The following FANCD2 variants were observed in gnomAD, a reference collection of about 807,000 sequenced individuals.
The protein encoded by FANCD2 is FA complementation group D2, also known as Fanconi anemia group D2 protein.
Under a neutral mutation model 192.3 loss-of-function variants are expected in FANCD2, and 131 were observed. The observed-to-expected ratio is 0.68, with a 90% CI of 0.59 to 0.79. The LOEUF (loss-of-function observed/expected upper bound fraction) is 0.79, where lower values mean the gene tolerates loss of function less well. Ranked by LOEUF, FANCD2 falls within the 30% of genes least tolerant of loss-of-function variation. FANCD2 has a pLI of 0.00. For missense variants in FANCD2, 1,508 were observed against 1,701.6 expected (o/e 0.89, Z 2.00); for synonymous variants, 524 against 612.5 (o/e 0.86, Z 2.13).
At chr3:10,072,338 G>A (rs762714221) in intron 26 of FANCD2, among the ~76,000 whole-genome samples, 1 of 150,078 alleles carries the variant, frequency 6.7e-6, no homozygotes, top group Non-Finnish European at 1.5e-5. Flanking sequence ...GAGTGTGGTG[G>A]TGCGATCTCT....
intron 6 of FANCD2, 30 bp downstream of exon 6, chr3:10,035,263 T>C (rs1205021073): frequency 6.3e-7 from 1 of 1,590,672 alleles, no homozygotes; most frequent in Non-Finnish European, 8.6e-7. Flanking sequence ...TGTGAACATT[T>C]GATGGAAGAG....
chr3:10,036,168 T>A, intron 6 of FANCD2, 119 bp from the exon 7 acceptor site: 2 of 652,476 alleles, frequency 3.1e-6, no homozygotes, highest in Non-Finnish European at 5.5e-6. Flanking sequence ...CTCACTGCAA[T>A]CTCTGCCTTC....
intron 42 of FANCD2, among the ~76,000 whole-genome samples, chr3:10,098,391 C>G (rs1695104354): frequency 6.6e-6 from 1 of 152,088 alleles, no homozygotes. Flanking sequence ...GCTTAGATAC[C>G]TTAAGGTATT....
At chr3:10,069,678 G>A (rs1226120383) in intron 26 of FANCD2, among the ~76,000 whole-genome samples, 13 of 152,198 alleles carry the variant, frequency 8.5e-5, no homozygotes, top group South Asian at 2.1e-4. Context: ...TGGCCGGGCC[G>A]GTCTCCAGCT....
At chr3:10,093,477 C>T (rs1694771997) in intron 39 of FANCD2, among the ~76,000 whole-genome samples, 154 bp downstream of exon 39, 1 of 152,208 alleles carries the variant, frequency 6.6e-6, no homozygotes, top group South Asian at 2.1e-4. Flanking sequence ...TGCATTTTCC[C>T]ACCCTAGTTG....
intron 26 of FANCD2, among the ~76,000 whole-genome samples, chr3:10,068,697 G>A (rs1429807414): frequency 6.6e-6 from 1 of 150,424 alleles, no homozygotes; most frequent in Admixed American, 6.6e-5. Flanking sequence ...AAGCTGTCCT[G>A]AGTAAAATGA....
intron 41 of FANCD2, 120 bp from the exon 42 acceptor site, chr3:10,096,206 A>T: frequency 1.0e-6 from 1 of 980,338 alleles, no homozygotes; most frequent in Non-Finnish European, 1.6e-6. Flanking sequence ...TTGATGGAAC[A>T]TACCGTTGGC....
At chr3:10,067,400 C>A in intron 26 of FANCD2, 83 bp downstream of exon 26, 2 of 783,536 alleles carry the variant, frequency 2.6e-6, no homozygotes, top group Non-Finnish European at 4.5e-6. Flanking sequence ...ATACCAAAAC[C>A]AGACAAAGAC....
Position 10,096,280 on chromosome 3 carries a change from A to G in FANCD2, c.4039-46A>G, listed in dbSNP as rs1445562696. ...AGGTTTCTATAAGAAATGTGAAGGC[A>G]TGATGATAAACTCACAAAAGATGGA... is the stretch of plus-strand genomic sequence containing the variant. On this transcript the variant is annotated intron_variant, in intron 41 of 43. Coordinates refer to ENST00000675286, the MANE Select transcript of FANCD2 (RefSeq NM_001018115.3). 4 of 1,602,974 alleles carry G rather than the reference A, an allele frequency of 2.5e-6. No individual in the cohort carries two copies. In the South Asian group the frequency reaches 3.3e-5, roughly 13 times the overall value.
chr3:10,043,099 C>T lies in FANCD2; in HGVS notation c.938C>T (p.Pro313Leu). The change falls in exon 12 of 44, where the codon CCA becomes CTA. Residue 313 changes from proline (P) to leucine (L), a missense_variant. Coordinates refer to ENST00000675286, the MANE Select transcript of FANCD2 (RefSeq NM_001018115.3). ...EKLDLQHCVL[P>L]SRLQASQVKL... ...TTGGATCTGCAGCATTGTGTTTTGC[C>T]ATCACGGTTACAGGCTTCCCAAGTA... 6.2e-7 allele frequency: 1 copy of T among 1,614,064 alleles called. No individual in the cohort carries two copies. Among genetic ancestry groups the T allele is most frequent in the Non-Finnish European group, 8.5e-7 (1 of 1,180,000 alleles).
At position 10,072,254 on chromosome 3, in the gene FANCD2, C is replaced by T. The variant is rs569698304; in HGVS notation, c.2495-617C>T. ...TACCTGTATCAAAATATCTCATGTGCGCCATAAATATATATATACCTTTCC... is the reference window on the plus strand; with the variant it reads ...TACCTGTATCAAAATATCTCATGTGTGCCATAAATATATATATACCTTTCC... On this transcript the variant is annotated intron_variant, in intron 26 of 43. Coordinates refer to ENST00000675286, the MANE Select transcript of FANCD2 (RefSeq NM_001018115.3). Among the ~76,000 whole-genome samples the T allele has an allele frequency of 8.7e-4, 132 of 151,144 alleles. 1 individual carries two copies. The highest frequency in any genetic ancestry group is 3.8e-3 in the South Asian group (18 of 4,776).
At chr3:10,090,440 CT>C in intron 37 of FANCD2, 55 bp downstream of exon 37, 2 of 552,958 alleles carry the variant, frequency 3.6e-6, no homozygotes, top group Non-Finnish European at 6.0e-6. Flanking sequence ...TTGGAAGTTG[CT>C]GATTTTTTTT....
At chr3:10,047,159 TG>T (rs1329041657) in intron 15 of FANCD2, among the ~76,000 whole-genome samples, 10 of 149,230 alleles carry the variant, frequency 6.7e-5, no homozygotes, top group Non-Finnish European at 4.5e-5. Flanking sequence ...GCCAGTGGTT[TG>T]GGGTTTGGGT....
chr3:10,043,157 A>C lies in FANCD2; in HGVS notation c.989+7A>C. The stretch of plus-strand genomic sequence containing the variant: ...AAAGTAAAGGACGAGCAAGGTAAAG[A>C]GCTCATCCTCACACAGGATGTCACA... On this transcript the variant is annotated splice_region_variant and intron_variant, in intron 12 of 43. Coordinates refer to ENST00000675286, the MANE Select transcript of FANCD2 (RefSeq NM_001018115.3). The C allele has an allele frequency of 6.2e-7, 1 of 1,610,688 alleles. No homozygotes were observed. The highest frequency in any genetic ancestry group is 8.5e-7 in the Non-Finnish European group (1 of 1,176,908).
At chr3:10,027,998 A>G (rs2086497523) in intron 1 of FANCD2, among the ~76,000 whole-genome samples, 1 of 150,060 alleles carries the variant, frequency 6.7e-6, no homozygotes, top group Non-Finnish European at 1.5e-5. Context: ...GGATCACTTG[A>G]GGTCAGGAGT....
rs992754509 is a variant in FANCD2 at position 10,031,417 on chromosome 3, G to A, written c.65-1415G>A. Among the ~76,000 whole-genome samples, 9 of 151,766 alleles carry A rather than the reference G, an allele frequency of 5.9e-5. No individual in the cohort carries two copies. In the East Asian group the frequency reaches 9.8e-4, roughly 16 times the overall value. ...ACTGGGAGGCTGAGGCAGGAGAATG[G>A]CATGAACCCGGGAGGCGGAGCTTGC... is the stretch of plus-strand genomic sequence containing the variant. On this transcript the variant is annotated intron_variant, in intron 2 of 43. Coordinates refer to ENST00000675286, the MANE Select transcript of FANCD2 (RefSeq NM_001018115.3).
chr3:10,077,173 C>CAGTG (rs1439252058), intron 29 of FANCD2, among the ~76,000 whole-genome samples: 1 of 152,124 alleles, frequency 6.6e-6, no homozygotes, highest in Non-Finnish European at 1.5e-5. Context: ...GTTGAGGCTG[C>CAGTG]AGTGAGCTGT....
At position 10,046,685 on chromosome 3, in the gene FANCD2, G is replaced by C. The variant is rs2125000506; in HGVS notation, c.1240G>C (p.Glu414Gln). The part of the protein sequence containing the change: ...RNKIRSGCIQ[E>Q]QLLQSTFSVH... Reference sequence around the variant, plus strand: ...TAAGATTCGATCAGGCTGCATTCAAGAACAGCTGCTCCAGAGTACATTCTC... The same window carrying C: ...TAAGATTCGATCAGGCTGCATTCAACAACAGCTGCTCCAGAGTACATTCTC... Residue 414 changes from glutamate to glutamine, a missense_variant, in exon 15 of 44, where the codon GAA becomes CAA. Around this residue, in one of 5 missense-constraint regions of FANCD2, gnomAD observed 108 missense variants for 174.1 expected, o/e 0.62. Transcript: ENST00000675286. 6.2e-7 allele frequency: 1 copy of C among 1,614,106 alleles called. No homozygotes were observed. Among genetic ancestry groups the C allele is most frequent in the African/African-American group, 1.3e-5 (1 of 75,086 alleles).
chr3:10,027,002 C>T (rs1048876977), intron 1 of FANCD2, among the ~76,000 whole-genome samples: 5 of 152,052 alleles, frequency 3.3e-5, no homozygotes, highest in Non-Finnish European at 7.4e-5. Flanking sequence ...CCCAGTTCTG[C>T]CCGTGATGAT....
Sources: gnomAD v4.1 joint callset for allele counts (sites outside exome capture counted in the v4.1 genomes callset) on GRCh38, gnomAD v4.1.1 for gene constraint, gnomAD v4.1.1 regional missense constraint, MANE v1.5 for transcripts, NCBI Gene and HGNC (gene_info 2026-07-23, HGNC 2026-07-21) for gene names.